The following STK32A variants were observed in gnomAD, a reference collection of about 807,000 sequenced individuals.
STK32A encodes serine/threonine-protein kinase 32A.
A neutral mutation model predicts 53.2 loss-of-function variants in STK32A; 41 were observed. The ratio of observed to expected loss-of-function variants is 0.77; its 90% confidence interval spans 0.60 to 1.00. The LOEUF (loss-of-function observed/expected upper bound fraction) is 1.00, where lower values mean the gene tolerates loss of function less well. STK32A is among the 50% of genes least tolerant of loss of function. The pLI, the probability that STK32A is intolerant of heterozygous loss-of-function variation, is 0.00. For missense variants in STK32A, 458 were observed against 485.8 expected (o/e 0.94, Z 0.54); for synonymous variants, 166 against 162.8 (o/e 1.02, Z -0.15).
At chr5:147,391,958 C>CA (rs1188122850), downstream of STK32A, 1 of 152,200 alleles carries the variant, frequency 6.6e-6, no homozygotes, top group Non-Finnish European at 1.5e-5. Flanking sequence ...AGAGATGAGT[C>CA]AGACTCAGGG....
chr5:147,370,892 T>C, intron 9 of STK32A, 122 bp downstream of exon 9: 1 of 547,458 alleles, frequency 1.8e-6, no homozygotes, highest in Non-Finnish European at 3.2e-6. Flanking sequence ...GTAGAGTGTA[T>C]TTTCTAGCTG....
At chr5:147,328,457 T>C (rs778243995) in intron 5 of STK32A, among the ~76,000 whole-genome samples, 21 of 152,248 alleles carry the variant, frequency 1.4e-4, no homozygotes, top group Non-Finnish European at 2.1e-4. Context: ...TCAGAATCTT[T>C]CTTTTCTATC....
chr5:147,243,048 C>A (rs1392671730), intron 2 of STK32A, among the ~76,000 whole-genome samples: 1 of 151,852 alleles, frequency 6.6e-6, no homozygotes, highest in African/African-American at 2.4e-5. Flanking sequence ...CTAAAATGAG[C>A]CAACTTAATT....
intron 5 of STK32A, among the ~76,000 whole-genome samples, chr5:147,336,440 T>C (rs2151984697): frequency 6.6e-6 from 1 of 151,992 alleles, no homozygotes; most frequent in East Asian, 1.9e-4. Flanking sequence ...GCATCCCTTC[T>C]GATGAAAGGA....
chr5:147,240,823 C>T (rs566844366), intron 2 of STK32A, among the ~76,000 whole-genome samples: 22 of 152,318 alleles, frequency 1.4e-4, no homozygotes, highest in Non-Finnish European at 2.4e-4. Flanking sequence ...GGGACTCTGA[C>T]GCCAACTACT....
At chr5:147,258,977 C>G (rs1281202330) in intron 2 of STK32A, among the ~76,000 whole-genome samples, 1 of 152,060 alleles carries the variant, frequency 6.6e-6, no homozygotes, top group African/African-American at 2.4e-5. Flanking sequence ...GCAAACAGCT[C>G]TCACGTTTGA....
chr5:147,243,187 A>G (rs1753651737), intron 2 of STK32A, among the ~76,000 whole-genome samples: 1 of 70,864 alleles, frequency 1.4e-5, no homozygotes, highest in Non-Finnish European at 3.1e-5. Context: ...TCCAATATAT[A>G]GATATGAGAA....
At chr5:147,373,404 C>A (rs76424680) in intron 10 of STK32A, 110 bp downstream of exon 10, 2 of 1,404,158 alleles carry the variant, frequency 1.4e-6, no homozygotes, top group Non-Finnish European at 1.9e-6. Context: ...GTTAAGAGAG[C>A]CCCAATTCCC....
chr5:147,301,718 G>T (rs1350965817), intron 4 of STK32A, among the ~76,000 whole-genome samples: 1 of 152,162 alleles, frequency 6.6e-6, no homozygotes, highest in East Asian at 1.9e-4. Context: ...AAACCTGGTG[G>T]CTTGAGACAT....
At chr5:147,258,170 T>TTTTTTTTTTTTTTTTTTTTGAGACGGA (rs1554099682) in intron 2 of STK32A, among the ~76,000 whole-genome samples, 17 of 148,064 alleles carry the variant, frequency 1.1e-4, no homozygotes, top group Non-Finnish European at 2.1e-4. Context: ...TTATAATTTT[T>TTTTTTTTTTTTTTTTTTTTGAGACGGA]GTTAAAGAGC....
At chr5:147,325,385 T>G (rs1280767114) in intron 5 of STK32A, among the ~76,000 whole-genome samples, 3 of 151,996 alleles carry the variant, frequency 2.0e-5, no homozygotes, top group South Asian at 2.1e-4. Context: ...ACTTTTGGCC[T>G]CAAGTTGTCC....
chr5:147,393,364 A>C, the STK32A span: 1 of 152,300 alleles, frequency 6.6e-6, no homozygotes, highest in African/African-American at 2.4e-5. Context: ...AGCAGGTGGA[A>C]GAAATGGTTG....
intron 8 of STK32A, among the ~76,000 whole-genome samples, chr5:147,362,313 A>T (rs950561609): frequency 1.3e-5 from 2 of 152,208 alleles, no homozygotes; most frequent in African/African-American, 2.4e-5. Flanking sequence ...GGAGGTTGGA[A>T]GTCTGAGATT....
intron 2 of STK32A, chr5:147,240,045 A>G (rs1375982711): frequency 5.1e-6 from 1 of 197,056 alleles, no homozygotes; most frequent in Non-Finnish European, 1.0e-5. Context: ...CAACATGTAC[A>G]TGAATGATAA....
chr5:147,306,791 T>G (rs940353756), intron 4 of STK32A, among the ~76,000 whole-genome samples: 1 of 152,062 alleles, frequency 6.6e-6, no homozygotes, highest in Admixed American at 6.5e-5. Flanking sequence ...AATCACATAA[T>G]TTTTCTGCAT....
At chr5:147,270,647 T>C (rs1754988282) in intron 2 of STK32A, among the ~76,000 whole-genome samples, 2 of 152,212 alleles carry the variant, frequency 1.3e-5, no homozygotes, top group South Asian at 2.1e-4. Context: ...TCATTAAAGA[T>C]ATGTAAAATA....
At chr5:147,305,037 TTACTC>T (rs1169117646) in intron 4 of STK32A, among the ~76,000 whole-genome samples, 1 of 151,874 alleles carries the variant, frequency 6.6e-6, no homozygotes, top group Non-Finnish European at 1.5e-5. Context: ...TTTGAAGTGA[TTACTC>T]CACTGCACTC....
intron 4 of STK32A, among the ~76,000 whole-genome samples, chr5:147,318,060 T>G (rs765926097): frequency 3.9e-5 from 6 of 152,190 alleles, no homozygotes; most frequent in Non-Finnish European, 7.3e-5. Flanking sequence ...CAAAAAAAAT[T>G]ATGCAAATAC....
intron 2 of STK32A, among the ~76,000 whole-genome samples, chr5:147,251,715 G>A (rs2053032): frequency 0.24 from 35,898 of 151,938 alleles, 4,284 homozygotes; most frequent in Admixed American, 0.3. Flanking sequence ...ATTCATCTTC[G>A]CTTCTGCCGT....
Sources: gnomAD v4.1 joint callset for allele counts (sites outside exome capture counted in the v4.1 genomes callset) on GRCh38, gnomAD v4.1.1 for gene constraint, MANE v1.5 for transcripts, NCBI Gene and HGNC (gene_info 2026-07-23, HGNC 2026-07-21) for gene names.